The following CFAP299 variants were observed in gnomAD, a reference collection of about 807,000 sequenced individuals.
CFAP299 encodes the protein cilia and flagella associated protein 299.
CFAP299 carries 21 observed loss-of-function variants against 27.0 expected under a neutral mutation model. The observed-to-expected ratio is 0.78, with a 90% CI of 0.55 to 1.12. CFAP299 has a LOEUF of 1.12. CFAP299 is among the 50% of genes most tolerant of loss of function. CFAP299 has a pLI of 0.00. For synonymous variants in CFAP299, 104 were observed against 98.1 expected, an observed-to-expected ratio of 1.06 and a Z score of -0.36; for missense variants, 310 against 276.6, an observed-to-expected ratio of 1.12 and a Z score of -0.86.
intron 4 of CFAP299, among the ~76,000 whole-genome samples, chr4:80,880,478 T>A (rs1011535775): frequency 1.1e-4 from 17 of 152,130 alleles, no homozygotes; most frequent in Non-Finnish European, 1.9e-4. Context: ...ACGCCTGTAA[T>A]CCCAGCACTT....
At chr4:80,776,320 T>C (rs979650260) in intron 3 of CFAP299, among the ~76,000 whole-genome samples, 3 of 152,126 alleles carry the variant, frequency 2.0e-5, no homozygotes, top group Non-Finnish European at 4.4e-5. Flanking sequence ...CTTGGGTGTT[T>C]CTAGCACCAG....
intron 3 of CFAP299, among the ~76,000 whole-genome samples, chr4:80,652,740 G>A (rs913412123): frequency 1.3e-5 from 2 of 151,884 alleles, no homozygotes; most frequent in African/African-American, 4.8e-5. Context: ...GCTGCCTCTA[G>A]TGCTCCCTCA....
chr4:80,710,585 T>TC (rs1404090516), intron 3 of CFAP299, among the ~76,000 whole-genome samples: 1 of 150,756 alleles, frequency 6.6e-6, no homozygotes, highest in Non-Finnish European at 1.5e-5. Flanking sequence ...AGACTTTTTT[T>TC]TTTTTCTGTC....
intron 3 of CFAP299, among the ~76,000 whole-genome samples, chr4:80,788,594 A>G (rs1727376715): frequency 6.6e-6 from 1 of 151,990 alleles, no homozygotes; most frequent in Non-Finnish European, 1.5e-5. Context: ...GTGCATAGTG[A>G]TAAGCTCATT....
chr4:80,429,821 T>C (rs903729084), intron 2 of CFAP299, among the ~76,000 whole-genome samples: 4 of 152,140 alleles, frequency 2.6e-5, no homozygotes, highest in Admixed American at 2.6e-4. Context: ...TGGGGTTAAG[T>C]ATTTTAATTT....
chr4:80,948,416 G>A (rs1737584189), intron 5 of CFAP299, among the ~76,000 whole-genome samples: 1 of 152,098 alleles, frequency 6.6e-6, no homozygotes, highest in Admixed American at 6.6e-5. Flanking sequence ...ATTTTTGAGT[G>A]AAGAATGCTT....
intron 2 of CFAP299, among the ~76,000 whole-genome samples, chr4:80,565,669 C>A (rs1735245100): frequency 6.6e-6 from 1 of 151,764 alleles, no homozygotes; most frequent in Non-Finnish European, 1.5e-5. Context: ...TAAAAATGAC[C>A]TTTTGCAACT....
chr4:80,464,175 A>C (rs1021036549), intron 2 of CFAP299, among the ~76,000 whole-genome samples: 3 of 152,236 alleles, frequency 2.0e-5, no homozygotes, highest in Admixed American at 6.5e-5. Context: ...ATAACTCCCC[A>C]AAAATGTGGA....
At chr4:80,783,910 C>G (rs762416607) in intron 3 of CFAP299, among the ~76,000 whole-genome samples, 4 of 152,014 alleles carry the variant, frequency 2.6e-5, no homozygotes, top group Non-Finnish European at 4.4e-5. Context: ...TCTCCACCCC[C>G]ACCCCTGGTA....
chr4:80,875,383 C>T (rs990001640), intron 4 of CFAP299, among the ~76,000 whole-genome samples: 21 of 152,088 alleles, frequency 1.4e-4, no homozygotes, highest in Admixed American at 7.2e-4. Flanking sequence ...CTCATCTTGC[C>T]GGGCGCGGTG....
At chr4:80,594,111 C>T (rs1452785145) in intron 3 of CFAP299, among the ~76,000 whole-genome samples, 3 of 152,110 alleles carry the variant, frequency 2.0e-5, no homozygotes, top group African/African-American at 7.2e-5. Context: ...GTATATTAGT[C>T]CATTTTCGCA....
At chr4:80,895,782 G>A (rs371736604) in intron 4 of CFAP299, among the ~76,000 whole-genome samples, 1 of 152,096 alleles carries the variant, frequency 6.6e-6, no homozygotes, top group Non-Finnish European at 1.5e-5. Context: ...ACTGTGGAAG[G>A]CAGTGGTAAG....
chr4:80,746,603 C>CT (rs1014352274), intron 3 of CFAP299, among the ~76,000 whole-genome samples: 3 of 151,844 alleles, frequency 2.0e-5, no homozygotes, highest in African/African-American at 7.2e-5. Context: ...GTTGACGTAA[C>CT]TTTTTTCAGG....
At chr4:80,815,662 A>T (rs1478690732) in intron 3 of CFAP299, among the ~76,000 whole-genome samples, 2 of 152,062 alleles carry the variant, frequency 1.3e-5, no homozygotes, top group Admixed American at 1.3e-4. Context: ...TACATACTGT[A>T]TTCATCAATT....
At chr4:80,684,005 A>C (rs568750643) in intron 3 of CFAP299, among the ~76,000 whole-genome samples, 1 of 152,228 alleles carries the variant, frequency 6.6e-6, no homozygotes, top group East Asian at 1.9e-4. Context: ...TATAGACTTC[A>C]ATTCTGTATA....
At chr4:80,403,228 T>C (rs1726249849) in intron 2 of CFAP299, among the ~76,000 whole-genome samples, 2 of 152,244 alleles carry the variant, frequency 1.3e-5, no homozygotes, top group Non-Finnish European at 2.9e-5. Flanking sequence ...GTTTTAACTC[T>C]AAGTAGTCTT....
In CFAP299 at chr4:80,591,117, T is replaced by TAA. The variant is rs1560642977; in HGVS notation, c.333+7934_333+7935insAA. Among the ~76,000 whole-genome samples the TAA allele has an allele frequency of 4.2e-5, 6 of 143,434 alleles. 1 individual carries two copies. The highest frequency in any genetic ancestry group is 1.5e-4 in the African/African-American group (6 of 39,640). 94.1% of individuals were successfully genotyped at this position (143,434 alleles called of 152,430 possible). On this transcript the variant is annotated intron_variant, in intron 3 of 5. Transcript: ENST00000358105. ...AATACTTTAGGAAATTTTTTTTTTT[T>TAA]TTTTTTTTTTTTTTATTTTTTTTTG...
rs77083713 is a variant in CFAP299 at position 80,394,698 on chromosome 4, G to A, written c.242+31814G>A. On this transcript the variant is annotated intron_variant, in intron 2 of 5. Coordinates refer to ENST00000358105, the MANE Select transcript of CFAP299 (RefSeq NM_152770.3). ...GAAGAGAATGTCCTTTCCCCAATGT[G>A]TGTTCTTGGCACTTTCTGCAAGGAT... is the stretch of plus-strand genomic sequence containing the variant. 1.1e-3 allele frequency among the ~76,000 whole-genome samples: 172 copies of A among 152,102 alleles called. 1 individual carries two copies. Among genetic ancestry groups the A allele is most frequent in the African/African-American group, 3.9e-3 (161 of 41,508 alleles).
chr4:80,490,275 T>C (rs1731047574), intron 2 of CFAP299, among the ~76,000 whole-genome samples: 1 of 152,212 alleles, frequency 6.6e-6, no homozygotes. Flanking sequence ...TTTAGTGCAG[T>C]GACTTTTTCA....
Sources: gnomAD v4.1 joint callset for allele counts (sites outside exome capture counted in the v4.1 genomes callset) on GRCh38, gnomAD v4.1.1 for gene constraint, MANE v1.5 for transcripts, NCBI Gene and HGNC (gene_info 2026-07-23, HGNC 2026-07-21) for gene names.